CCDC148: variants seen among roughly 807,000 people sequenced by gnomAD.
The protein encoded by CCDC148 is coiled-coil domain containing 148.
In CCDC148, 89 loss-of-function variants were observed where a neutral mutation model predicts 85.7. The observed-to-expected ratio is 1.04, with a 90% CI of 0.87 to 1.24. The LOEUF is 1.24. Ranked by LOEUF, CCDC148 falls within the 50% of genes most tolerant of loss-of-function variation. CCDC148 has a pLI of 0.00. For missense variants in CCDC148, 692 were observed against 671.7 expected, an observed-to-expected ratio of 1.03 and a Z score of -0.33; for synonymous variants, 230 against 213.9, an observed-to-expected ratio of 1.08 and a Z score of -0.66.
At chr2:158,368,089 A>G (rs1684277621) in intron 1 of CCDC148, among the ~76,000 whole-genome samples, 2 of 152,142 alleles carry the variant, frequency 1.3e-5, no homozygotes, top group Admixed American at 6.6e-5. Flanking sequence ...CATAATTAAT[A>G]CACTGGCCAA....
intron 9 of CCDC148, among the ~76,000 whole-genome samples, chr2:158,259,781 C>T (rs1180377755): frequency 6.6e-6 from 1 of 151,912 alleles, no homozygotes; most frequent in East Asian, 1.9e-4. Flanking sequence ...TATGACTCCC[C>T]AGGCTTTTGT....
chr2:158,404,372 G>A (rs1685912805), intron 1 of CCDC148, among the ~76,000 whole-genome samples: 1 of 151,866 alleles, frequency 6.6e-6, no homozygotes, highest in Non-Finnish European at 1.5e-5. Flanking sequence ...AGTAAATGAG[G>A]ATGCCTAGAC....
In CCDC148 at chr2:158,244,158, A is replaced by G. The variant is rs555090111; in HGVS notation, c.1251+6614T>C. Among the ~76,000 whole-genome samples the G allele has an allele frequency of 6.6e-5, 10 of 152,258 alleles. No individual in the cohort carries two copies. In the South Asian group the frequency reaches 1.0e-3, roughly 16 times the overall value. On this transcript the variant is annotated intron_variant, in intron 10 of 13. Transcript: ENST00000283233. ...TCATCCTCAAGATGACATCCTTAAA[A>G]TTCTTCCAGCCTCTTCCCACTTATG... is the stretch of plus-strand genomic sequence containing the variant.
intron 13 of CCDC148, among the ~76,000 whole-genome samples, chr2:158,175,973 G>A (rs929040588): frequency 3.3e-5 from 5 of 151,946 alleles, no homozygotes; most frequent in Admixed American, 2.0e-4. Flanking sequence ...TACAGGCACA[G>A]ATTCTCAGGC....
chr2:158,188,515 A>G (rs1279369999), intron 11 of CCDC148, among the ~76,000 whole-genome samples: 1 of 151,912 alleles, frequency 6.6e-6, no homozygotes, highest in Non-Finnish European at 1.5e-5. Flanking sequence ...TCATTAAATC[A>G]GTACTGGGGA....
At chr2:158,214,229 A>G (rs1188529170) in intron 11 of CCDC148, among the ~76,000 whole-genome samples, 1 of 151,248 alleles carries the variant, frequency 6.6e-6, no homozygotes, top group African/African-American at 2.4e-5. Context: ...TAATACTCAT[A>G]TTTTGATTAG....
chr2:158,283,679 G>T (rs1281454335), intron 9 of CCDC148, among the ~76,000 whole-genome samples: 4 of 151,840 alleles, frequency 2.6e-5, no homozygotes, highest in Non-Finnish European at 4.4e-5. Context: ...CTGTTGGTGG[G>T]ACTGTAAACT....
Position 158,256,720 on chromosome 2 carries a change from G to A in CCDC148, c.1111-5808C>T, listed in dbSNP as rs76070862. 4.0e-3 allele frequency among the ~76,000 whole-genome samples: 602 copies of A among 151,868 alleles called. 4 individuals are homozygous for A. Among genetic ancestry groups the A allele is most frequent in the African/African-American group, 0.014 (582 of 41,482 alleles). ...TGTAATCCTTGAAACAAGCAAGCCT[G>A]TCTACTTCACACTTCATCTGCCTAA... is the stretch of plus-strand genomic sequence containing the variant. On this transcript the variant is annotated intron_variant, in intron 9 of 13. Coordinates refer to ENST00000283233, the MANE Select transcript of CCDC148 (RefSeq NM_138803.4).
intron 11 of CCDC148, among the ~76,000 whole-genome samples, chr2:158,192,631 G>A (rs1685477249): frequency 6.6e-6 from 1 of 151,958 alleles, no homozygotes. Context: ...CAGCAGGAGA[G>A]GCTCCTTAGG....
chr2:158,297,126 T>G (rs1011117313), intron 9 of CCDC148, among the ~76,000 whole-genome samples: 2 of 152,162 alleles, frequency 1.3e-5, no homozygotes, highest in African/African-American at 4.8e-5. Flanking sequence ...CATGAACAAC[T>G]GCCTTAAATT....
intron 1 of CCDC148, among the ~76,000 whole-genome samples, chr2:158,371,221 AATTG>A (rs1223764187): frequency 6.9e-6 from 1 of 144,694 alleles, no homozygotes; most frequent in Admixed American, 6.7e-5. Context: ...ATTGATACTG[AATTG>A]ATTCTTGCTA....
intron 7 of CCDC148, among the ~76,000 whole-genome samples, chr2:158,325,921 C>T (rs1165899904): frequency 1.3e-5 from 2 of 152,146 alleles, no homozygotes; most frequent in African/African-American, 4.8e-5. Flanking sequence ...TATCTTCTTG[C>T]ACTTCTACCC....
chr2:158,172,529 G>T (rs1222129993), intron 13 of CCDC148, among the ~76,000 whole-genome samples: 1 of 151,964 alleles, frequency 6.6e-6, no homozygotes, highest in African/African-American at 2.4e-5. Flanking sequence ...ATTAAAAGAT[G>T]AAGTAAAAGA....
intron 9 of CCDC148, among the ~76,000 whole-genome samples, chr2:158,301,549 T>C (rs1559054761): frequency 6.6e-6 from 1 of 152,132 alleles, no homozygotes. Context: ...GTAGGCGGAA[T>C]CACGAGGAGG....
chr2:158,247,733 G>A (rs955055096), intron 10 of CCDC148, among the ~76,000 whole-genome samples: 1 of 151,908 alleles, frequency 6.6e-6, no homozygotes, highest in Admixed American at 6.6e-5. Flanking sequence ...GCGGGCACCT[G>A]TAATCCCAGC....
At chr2:158,201,663 C>T (rs755890532) in intron 11 of CCDC148, among the ~76,000 whole-genome samples, 38 of 152,224 alleles carry the variant, frequency 2.5e-4, no homozygotes, top group Non-Finnish European at 4.7e-4. Context: ...CCAGCCATCT[C>T]GGCTTCCTAA....
At chr2:158,318,268 C>T (rs887742619) in intron 7 of CCDC148, among the ~76,000 whole-genome samples, 4 of 152,180 alleles carry the variant, frequency 2.6e-5, no homozygotes, top group Non-Finnish European at 4.4e-5. Context: ...TCTTCTATTC[C>T]TCAGAGATCC....
In CCDC148 at chr2:158,310,722, C is replaced by T. The variant is rs182276451; in HGVS notation, c.904-1083G>A. 5.5e-3 allele frequency among the ~76,000 whole-genome samples: 766 copies of T among 140,294 alleles called. 11 individuals are homozygous for T. The highest frequency in any genetic ancestry group is 0.031 in the Admixed American group (434 of 14,206). 92.0% of individuals were successfully genotyped at this position (140,294 alleles called of 152,430 possible). A position where few individuals can be genotyped will look rare whatever the true frequency, so the allele number is the denominator to read the frequency against. ...GCAGAGACACTCCTCACCTCCCAGA[C>T]GGGGCGGCCGGGCAGAGGCACTCCT... On this transcript the variant is annotated intron_variant, in intron 8 of 13. Transcript: ENST00000283233.
chr2:158,188,314 G>T (rs1196889983), intron 11 of CCDC148, among the ~76,000 whole-genome samples: 7 of 151,976 alleles, frequency 4.6e-5, no homozygotes, highest in Non-Finnish European at 8.8e-5. Context: ...CTGGGGCCAA[G>T]AAAATCATGT....
Sources: gnomAD v4.1 joint callset for allele counts (sites outside exome capture counted in the v4.1 genomes callset) on GRCh38, gnomAD v4.1.1 for gene constraint, MANE v1.5 for transcripts, NCBI Gene and HGNC (gene_info 2026-07-23, HGNC 2026-07-21) for gene names.